Variants in PTPRD observed in about 807,000 individuals in gnomAD.
PTPRD encodes the protein protein tyrosine phosphatase receptor type D.
In PTPRD, 34 loss-of-function variants were observed where a neutral mutation model predicts 214.5. The observed-to-expected ratio is 0.16, with a 90% CI of 0.12 to 0.21. The LOEUF (loss-of-function observed/expected upper bound fraction) is 0.21, where lower values mean the gene tolerates loss of function less well. PTPRD is among the 10% of genes least tolerant of loss of function. The probability of loss-of-function intolerance (pLI) is 1.00; values close to 1 mark genes in which losing one functional copy is unlikely to be tolerated. For synonymous variants in PTPRD, 1,128 were observed against 845.7 expected (o/e 1.33, Z -5.79); for missense variants, 2,545 against 2,398.7 (o/e 1.06, Z -1.27).
chr9:10,090,870 G>C (rs1305254789), intron 3 of PTPRD, among the ~76,000 whole-genome samples: 1 of 143,312 alleles, frequency 7.0e-6, no homozygotes, highest in Non-Finnish European at 1.5e-5. Flanking sequence ...GGTAACTTTT[G>C]TCTTACAAAA....
intron 2 of PTPRD, among the ~76,000 whole-genome samples, chr9:10,575,502 C>G (rs1176836489): frequency 6.6e-6 from 1 of 152,046 alleles, no homozygotes; most frequent in Non-Finnish European, 1.5e-5. Context: ...TAGAAATTAA[C>G]TGTGCACATT....
intron 8 of PTPRD, among the ~76,000 whole-genome samples, chr9:9,481,187 A>C (rs1009957353): frequency 6.6e-6 from 1 of 152,146 alleles, no homozygotes; most frequent in Non-Finnish European, 1.5e-5. Flanking sequence ...GTAGACACTA[A>C]GGAAAATAAT....
chr9:10,450,249 AAAAT>A (rs533401736), intron 2 of PTPRD, among the ~76,000 whole-genome samples: 89 of 151,640 alleles, frequency 5.9e-4, no homozygotes, highest in South Asian at 1.0e-3. Context: ...AATACTAAAA[AAAAT>A]AAATAAATAA....
chr9:9,658,913 A>C (rs752626958), intron 7 of PTPRD, among the ~76,000 whole-genome samples: 2 of 152,136 alleles, frequency 1.3e-5, no homozygotes, highest in Admixed American at 6.6e-5. Context: ...GCCTAGATTT[A>C]AATCTGGCAG....
At chr9:9,208,036 T>TTTTTTTTTTTTTTTTTTTTTTTTG (rs1170902768) in intron 9 of PTPRD, among the ~76,000 whole-genome samples, 1 of 138,892 alleles carries the variant, frequency 7.2e-6, no homozygotes, top group Non-Finnish European at 1.5e-5. Flanking sequence ...TTTTTTTTTT[T>TTTTTTTTTTTTTTTTTTTTTTTTG]TGAGACAGAG....
At chr9:10,278,805 C>G (rs144224457) in intron 3 of PTPRD, among the ~76,000 whole-genome samples, 4 of 151,618 alleles carry the variant, frequency 2.6e-5, no homozygotes, top group South Asian at 4.2e-4. Flanking sequence ...GATGGAGTCT[C>G]GCTCTGTTGC....
At chr9:9,054,620 A>G (rs2099692867) in intron 10 of PTPRD, among the ~76,000 whole-genome samples, 1 of 152,156 alleles carries the variant, frequency 6.6e-6, no homozygotes, top group African/African-American at 2.4e-5. Context: ...CCTGTTACTC[A>G]AAAATCTCCA....
chr9:8,713,630 C>A, intron 12 of PTPRD: 1 of 1,534,460 alleles, frequency 6.5e-7, no homozygotes, highest in South Asian at 1.1e-5. Context: ...GGCGCTGTCA[C>A]CCAGTGCTAC....
chr9:9,872,540 A>G (rs2065762336), intron 5 of PTPRD, among the ~76,000 whole-genome samples: 1 of 152,080 alleles, frequency 6.6e-6, no homozygotes, highest in Admixed American at 6.6e-5. Flanking sequence ...TATCGAGGCT[A>G]TAGTGAGTCA....
chr9:9,205,494 C>A (rs924306732), intron 9 of PTPRD, among the ~76,000 whole-genome samples: 5 of 152,004 alleles, frequency 3.3e-5, no homozygotes, highest in Non-Finnish European at 7.4e-5. Flanking sequence ...CCAAAAGAAA[C>A]CATAAAAGTA....
intron 2 of PTPRD, among the ~76,000 whole-genome samples, chr9:10,359,266 AT>A (rs1166955986): frequency 6.6e-6 from 1 of 151,976 alleles, no homozygotes; most frequent in Admixed American, 6.6e-5. Flanking sequence ...TGTGCATTTA[AT>A]TTTTTTAAGC....
chr9:10,075,646 T>A (rs951538645), intron 3 of PTPRD, among the ~76,000 whole-genome samples: 1 of 152,034 alleles, frequency 6.6e-6, no homozygotes, highest in South Asian at 2.1e-4. Flanking sequence ...AATGAATACA[T>A]CATTTTTTTC....
intron 8 of PTPRD, among the ~76,000 whole-genome samples, chr9:9,538,490 G>C (rs1056429044): frequency 1.3e-5 from 2 of 151,772 alleles, no homozygotes; most frequent in Non-Finnish European, 2.9e-5. Flanking sequence ...TCAAATCTCT[G>C]TCGTCTTTAA....
intron 4 of PTPRD, among the ~76,000 whole-genome samples, chr9:10,013,244 A>C (rs948740714): frequency 6.6e-6 from 1 of 151,888 alleles, no homozygotes; most frequent in Admixed American, 6.6e-5. Context: ...ACTGGAGGAG[A>C]CATCAGGTCC....
intron 35 of PTPRD, among the ~76,000 whole-genome samples, chr9:8,425,976 C>G (rs1191409309): frequency 6.6e-6 from 1 of 152,118 alleles, no homozygotes; most frequent in Non-Finnish European, 1.5e-5. Context: ...CATAATTACC[C>G]TCCATCCTTG....
chr9:10,329,897 T>G (rs2154433722), intron 3 of PTPRD, among the ~76,000 whole-genome samples: 1 of 151,984 alleles, frequency 6.6e-6, no homozygotes, highest in East Asian at 2.0e-4. Flanking sequence ...AAAAATTACT[T>G]AAGTTGCTAC....
chr9:8,839,156 C>T (rs1222463376), intron 11 of PTPRD, among the ~76,000 whole-genome samples: 2 of 151,910 alleles, frequency 1.3e-5, no homozygotes, highest in East Asian at 1.9e-4. Context: ...ATTCATATAA[C>T]AGAAATAATT....
intron 2 of PTPRD, among the ~76,000 whole-genome samples, chr9:10,518,739 A>G (rs538483341): frequency 2.4e-4 from 36 of 152,090 alleles, no homozygotes; most frequent in East Asian, 1.6e-3. Context: ...TTACCGTGTT[A>G]GCCAAGATGG....
chr9:9,598,095 G>A (rs550502376), intron 7 of PTPRD, among the ~76,000 whole-genome samples: 205 of 152,018 alleles, frequency 1.3e-3, no homozygotes, highest in African/African-American at 4.9e-3. Flanking sequence ...TAGTACATTT[G>A]TACTACTACT....
Sources: allele counts gnomAD v4.1 joint callset (sites outside exome capture counted in the v4.1 genomes callset), GRCh38; gene constraint gnomAD v4.1.1; transcripts MANE v1.5; gene names NCBI Gene and HGNC (gene_info 2026-07-23, HGNC 2026-07-21).